Variants in ZNF783 observed in about 807,000 individuals in gnomAD.
ZNF783 encodes zinc finger protein 783, also known as protein ZNF783.
A neutral mutation model predicts 31.3 loss-of-function variants in ZNF783; 25 were observed. That is an observed-to-expected ratio of 0.80 (90% CI 0.58 to 1.11). The LOEUF is 1.11. Among genes scored for constraint, ZNF783 ranks in the 50% most tolerant of loss-of-function variants. The pLI, the probability that ZNF783 is intolerant of heterozygous loss-of-function variation, is 0.00. For synonymous variants in ZNF783, 369 were observed against 319.1 expected, an observed-to-expected ratio of 1.16 and a Z score of -1.66; for missense variants, 797 against 760.0, an observed-to-expected ratio of 1.05 and a Z score of -0.57.
Position 149,266,950 on chromosome 7 carries a change from G to A in ZNF783, c.547+5G>A. 1.9e-6 allele frequency: 3 copies of A among 1,614,098 alleles called. No homozygotes were observed. The highest frequency in any genetic ancestry group is 1.7e-6 in the Non-Finnish European group (2 of 1,180,028). Reference sequence around the variant, plus strand: ...ACGAGACGCTGGTCTCCCTGGGTAAGGCCACGGAGGGAGGATCTGGGCCTC... The same window carrying A: ...ACGAGACGCTGGTCTCCCTGGGTAAAGCCACGGAGGGAGGATCTGGGCCTC... On this transcript the variant is annotated splice_donor_5th_base_variant and intron_variant, in intron 3 of 5. Coordinates refer to ENST00000434415, the MANE Select transcript of ZNF783 (RefSeq NM_001195220.2).
At position 149,282,033 on chromosome 7, in the gene ZNF783, T is replaced by G. The variant is rs775721783; in HGVS notation, c.1331T>G (p.Phe444Cys). The G allele has an allele frequency of 6.3e-6, 10 of 1,590,178 alleles. No individual in the cohort carries two copies. The African/African-American group carries it at 8.0e-5, about 13-fold the overall frequency. The part of the protein sequence containing the change: ...KMYHCSECLR[F>C]FQQRKSLLLH... ...TACCACTGCAGCGAGTGCCTGCGCT[T>G]CTTCCAGCAGCGCAAGAGCCTGCTG... Residue 444 changes from phenylalanine (F) to cysteine (C), a missense_variant, in exon 6 of 6, where the codon TTC becomes TGC. Transcript: ENST00000434415.
In ZNF783 at chr7:149,266,827, G is replaced by A; in HGVS notation, c.429G>A (p.Val143=). ...GACACTTATGGTTCCAGGTGCCCGT[G>A]ACCTTCGATGATGTGGCCGTGTATT... The part of the protein sequence containing the change: ...GSKGEAPKVP[V]TFDDVAVYFS... Residue 143 remains valine, a synonymous_variant, in exon 3 of 6, where the codon GTG becomes GTA. Transcript: ENST00000434415. 1 of 1,614,096 alleles carries A rather than the reference G, an allele frequency of 6.2e-7. No individual in the cohort carries two copies. Among genetic ancestry groups the A allele is most frequent in the South Asian group, 1.1e-5 (1 of 91,076 alleles).
Position 149,266,476 on chromosome 7 carries a change from A to G in ZNF783, c.166A>G (p.Lys56Glu). The G allele has an allele frequency of 6.2e-7, 1 of 1,612,044 alleles. No individual in the cohort carries two copies. The highest frequency in any genetic ancestry group is 8.5e-7 in the Non-Finnish European group (1 of 1,179,980). The change falls in exon 2 of 6, where the codon AAG (lysine) becomes GAG (glutamate). Residue 56 changes from lysine to glutamate, a missense_variant. Physicochemically the swap from Lys to Glu is moderately conservative, Grantham distance 56 (BLOSUM62 1). Transcript: ENST00000434415. ...GGCCGCCATTCAGGCCTTGGAGAAG[A>G]AGGTGGATTCCTGCCTGACCCGCTT... ...VVAAIQALEK[K>E]VDSCLTRLLT... is the part of the protein sequence containing the mutation.
rs1050127244 is a variant in ZNF783 at position 149,284,613 on chromosome 7, C to T, written c.*2270C>T. 3.3e-5 allele frequency: 5 copies of T among 152,334 alleles called. No homozygotes were observed. The East Asian group carries it at 5.8e-4, about 18-fold the overall frequency. 9.4% of individuals were successfully genotyped at this position (152,334 alleles called of 1,614,324 possible). On this transcript the variant is annotated 3_prime_UTR_variant, in exon 6 of 6. Transcript: ENST00000434415. ...GGATGCCTCAGGCTAAGAATTTTGC[C>T]GACTTTCTGGGCTTGGTTGGCTAAT...
rs1797061454 is a variant in ZNF783 at position 149,266,262 on chromosome 7, A to C, written c.25-73A>C. On this transcript the variant is annotated intron_variant, in intron 1 of 5. Transcript: ENST00000434415. ...TTTACCATGGCAGGTGTCATTTCCG[A>C]AGTGTGTTTTTGAGGTGGAAGTTTT... 3 of 1,439,326 alleles carry C rather than the reference A, an allele frequency of 2.1e-6. No individual in the cohort carries two copies. In the Admixed American group the frequency reaches 8.3e-5, roughly 40 times the overall value. 89.2% of individuals were successfully genotyped at this position (1,439,326 alleles called of 1,614,324 possible). A position where few individuals can be genotyped will look rare whatever the true frequency, so the allele number is the denominator to read the frequency against.
intron 1 of ZNF783, among the ~76,000 whole-genome samples, chr7:149,266,091 G>A (rs1204743102): frequency 6.6e-5 from 10 of 152,184 alleles, no homozygotes; most frequent in African/African-American, 2.2e-4. Flanking sequence ...GACAGGAGCC[G>A]GGGCTGTTTT....
In ZNF783 at chr7:149,281,996, G is replaced by C. The variant is rs753711534; in HGVS notation, c.1294G>C (p.Ala432Pro). The C allele has an allele frequency of 6.3e-6, 10 of 1,579,762 alleles. No homozygotes were observed. Among genetic ancestry groups the C allele is most frequent in the African/African-American group, 4.0e-5 (3 of 74,338 alleles). The change falls in exon 6 of 6, where the codon GCC becomes CCC. Residue 432 changes from alanine (A) to proline (P), a missense_variant. Ala to Pro is a conservative substitution (Grantham distance 27). Coordinates refer to ENST00000434415, the MANE Select transcript of ZNF783 (RefSeq NM_001195220.2). ...GRALVGRRPA[A>P]SKMYHCSECL... is the part of the protein sequence containing the mutation. ...TGCCTTGGTGGGGCGGCGGCCTGCA[G>C]CCAGCAAGATGTACCACTGCAGCGA...
intron 4 of ZNF783, among the ~76,000 whole-genome samples, chr7:149,274,445 A>G (rs1260775790): frequency 6.6e-6 from 1 of 151,136 alleles, no homozygotes; most frequent in East Asian, 2.0e-4. Context: ...GGCTCACTGC[A>G]ACCTCCGCCT....
intron 5 of ZNF783, among the ~76,000 whole-genome samples, chr7:149,280,040 G>C (rs1797425680): frequency 6.6e-6 from 1 of 151,864 alleles, no homozygotes; most frequent in Non-Finnish European, 1.5e-5. Flanking sequence ...TCCTAGTAGG[G>C]GTGGCCGGGC....
rs1488596953 is a variant in ZNF783 at position 149,284,171 on chromosome 7, T to A, written c.*1828T>A. 1 of 152,078 alleles carries A rather than the reference T, an allele frequency of 6.6e-6. No individual in the cohort carries two copies. Among genetic ancestry groups the A allele is most frequent in the Non-Finnish European group, 1.5e-5 (1 of 68,038 alleles). The allele number at this position is 152,078 out of a possible 1,614,324, so 9.4% of individuals were successfully genotyped here. On this transcript the variant is annotated 3_prime_UTR_variant, in exon 6 of 6. Transcript: ENST00000434415. ...GGTGTGGGTGACTCTGAAGCTGGAG[T>A]GATGGGACCCCAGCTATCCTTGTTT...
At chr7:149,269,136 C>T (rs1797153984) in intron 4 of ZNF783, among the ~76,000 whole-genome samples, 1 of 152,182 alleles carries the variant, frequency 6.6e-6, no homozygotes, top group African/African-American at 2.4e-5. Flanking sequence ...TAATAATTGC[C>T]ATTCTGACTG....
chr7:149,263,013 C>T (rs183608600), intron 1 of ZNF783, among the ~76,000 whole-genome samples: 368 of 152,076 alleles, frequency 2.4e-3, no homozygotes, highest in African/African-American at 8.3e-3. Context: ...ACTGCAAGCT[C>T]CGCCTCCCGG....
At chr7:149,266,306 A>C in intron 1 of ZNF783, 29 bp from the exon 2 acceptor site, 1 of 1,510,060 alleles carries the variant, frequency 6.6e-7, no homozygotes, top group Non-Finnish European at 8.8e-7. Flanking sequence ...AATTCTCATA[A>C]CATCTCTCTT....
chr7:149,275,004 A>T (rs922774373), intron 4 of ZNF783, among the ~76,000 whole-genome samples: 4 of 152,200 alleles, frequency 2.6e-5, no homozygotes, highest in African/African-American at 9.6e-5. Context: ...GGACATTATA[A>T]CTAATTCATT....
intron 1 of ZNF783, among the ~76,000 whole-genome samples, chr7:149,263,175 C>T (rs1796976765): frequency 6.6e-6 from 1 of 151,936 alleles, no homozygotes; most frequent in South Asian, 2.1e-4. Context: ...GATCTGCCCG[C>T]CCCGGCCTCC....
At position 149,266,368 on chromosome 7, in the gene ZNF783, A is replaced by T. The variant is rs1472175723; in HGVS notation, c.58A>T (p.Ser20Cys). ...PETDKHTEDQSPSTPLPQPAA... is the reference protein window; with the variant it reads ...PETDKHTEDQCPSTPLPQPAA... ...GACAGACAAGCACACAGAGGACCAGAGTCCTTCGACACCCTTGCCCCAGCC... is the reference window on the plus strand; with the variant it reads ...GACAGACAAGCACACAGAGGACCAGTGTCCTTCGACACCCTTGCCCCAGCC... Residue 20 changes from serine to cysteine, a missense_variant, in exon 2 of 6, where the codon AGT (serine) becomes TGT (cysteine). Coordinates refer to ENST00000434415, the MANE Select transcript of ZNF783 (RefSeq NM_001195220.2). 1 of 1,597,174 alleles carries T rather than the reference A, an allele frequency of 6.3e-7. No homozygotes were observed. The highest frequency in any genetic ancestry group is 1.7e-5 in the Admixed American group (1 of 59,782).
At chr7:149,266,056 C>T (rs1797055687) in intron 1 of ZNF783, among the ~76,000 whole-genome samples, 1 of 152,214 alleles carries the variant, frequency 6.6e-6, no homozygotes, top group South Asian at 2.1e-4. Context: ...GTGGGGCATG[C>T]CCCGTCTCCA....
chr7:149,280,246 C>T (rs73162535), intron 5 of ZNF783, among the ~76,000 whole-genome samples: 15,340 of 152,174 alleles, frequency 0.1, 1,006 homozygotes, highest in Non-Finnish European at 0.15. Context: ...CCTCACCTCC[C>T]GGAGCACCAG....
At chr7:149,273,076 G>A (rs1261546376) in intron 4 of ZNF783, among the ~76,000 whole-genome samples, 1 of 152,154 alleles carries the variant, frequency 6.6e-6, no homozygotes, top group African/African-American at 2.4e-5. Context: ...CAGATGACAG[G>A]ATCTCATTCT....
Sources: allele counts gnomAD v4.1 joint callset (sites outside exome capture counted in the v4.1 genomes callset), GRCh38; gene constraint gnomAD v4.1.1; transcripts MANE v1.5; gene names NCBI Gene and HGNC (gene_info 2026-07-23, HGNC 2026-07-21).